The following SYNGR4 variants were observed in gnomAD, a reference collection of about 807,000 sequenced individuals.
SYNGR4 encodes synaptogyrin-4.
A neutral mutation model predicts 15.5 loss-of-function variants in SYNGR4; 15 were observed. The ratio of observed to expected loss-of-function variants is 0.97; its 90% confidence interval spans 0.65 to 1.49. The LOEUF (loss-of-function observed/expected upper bound fraction) is 1.49. SYNGR4 is among the 40% of genes most tolerant of loss of function. SYNGR4 has a pLI of 0.00. For synonymous variants in SYNGR4, 121 were observed against 127.4 expected (o/e 0.95, Z 0.34); for missense variants, 292 against 299.3 (o/e 0.98, Z 0.18).
chr19:48,373,698 G>T lies in SYNGR4; in HGVS notation c.275G>T (p.Arg92Leu). 6.2e-7 allele frequency: 1 copy of T among 1,613,920 alleles called. No homozygotes were observed. Among genetic ancestry groups the T allele is most frequent in the Non-Finnish European group, 8.5e-7 (1 of 1,180,020 alleles). ...AFLVLDTQETRIAGTRFKTAF... is the reference protein window; with the variant it reads ...AFLVLDTQETLIAGTRFKTAF... Reference sequence around the variant, plus strand: ...CTCGTCCTGGACACACAGGAGACCCGCATTGCCGGCACCCGCTTCAAGACA... The same window carrying T: ...CTCGTCCTGGACACACAGGAGACCCTCATTGCCGGCACCCGCTTCAAGACA... Residue 92 changes from arginine to leucine, a missense_variant, in exon 3 of 5, where the codon CGC (arginine) becomes CTC (leucine). Physicochemically the swap from Arg to Leu is moderately radical, Grantham distance 102. Coordinates refer to ENST00000344846, the MANE Select transcript of SYNGR4 (RefSeq NM_012451.4).
intron 1 of SYNGR4, among the ~76,000 whole-genome samples, chr19:48,365,353 G>A (rs1970186271): frequency 9.5e-6 from 1 of 105,402 alleles, no homozygotes; most frequent in African/African-American, 4.2e-5. Context: ...CCTTTCCTGG[G>A]ACCCCCCAGA....
rs1185180554 is a variant in SYNGR4 at position 48,375,691 on chromosome 19, T to C, written c.410T>C (p.Leu137Pro). The change falls in exon 4 of 5, where the codon CTC (leucine) becomes CCC (proline). Residue 137 changes from leucine to proline, a missense_variant. Physicochemically the swap from Leu to Pro is moderately conservative, Grantham distance 98. Transcript: ENST00000344846. ...QWQHSPPKEF[L>P]LGSSSAQAAI... ...CAGCATTCGCCGCCCAAAGAGTTCC[T>C]CCTGGGGAGCAGCAGTGCCCAGGCA... 6.2e-7 allele frequency: 1 copy of C among 1,614,100 alleles called. No individual in the cohort carries two copies. The highest frequency in any genetic ancestry group is 2.2e-5 in the East Asian group (1 of 44,872).
chr19:48,365,977 G>A (rs779246353), intron 2 of SYNGR4, 42 bp downstream of exon 2: 1 of 1,597,592 alleles, frequency 6.3e-7, no homozygotes, highest in South Asian at 1.1e-5. Flanking sequence ...TGGGTGACAG[G>A]AGCCAGGAGC....
Position 48,375,746 on chromosome 19 carries a change from T to C in SYNGR4, c.465T>C (p.Leu155=). 1.9e-6 allele frequency: 3 copies of C among 1,612,904 alleles called. No individual in the cohort carries two copies. Among genetic ancestry groups the C allele is most frequent in the African/African-American group, 2.7e-5 (2 of 75,016 alleles). The change falls in exon 4 of 5, where the codon CTT becomes CTC. Residue 155 remains leucine (L), a synonymous_variant. Coordinates refer to ENST00000344846, the MANE Select transcript of SYNGR4 (RefSeq NM_012451.4). ...AAIAFTFFSI[L]VWIFQAYLAF... is the part of the protein sequence containing the mutation. ...TCGCCTTCACCTTCTTCTCCATCCT[T>C]GTCTGGGTGAGGACAAGCCCCTCCA...
At chr19:48,374,010 T>C (rs1970358082) in intron 3 of SYNGR4, among the ~76,000 whole-genome samples, 2 of 152,002 alleles carry the variant, frequency 1.3e-5, no homozygotes, top group Admixed American at 1.3e-4. Context: ...CCAGACAAAT[T>C]ATAGCAGCCT....
chr19:48,369,285 T>C (rs1406049372), intron 2 of SYNGR4, among the ~76,000 whole-genome samples: 2 of 130,626 alleles, frequency 1.5e-5, no homozygotes, highest in Non-Finnish European at 3.3e-5. Flanking sequence ...GGAAGGAGTT[T>C]GGACTGAAGC....
chr19:48,373,773 C>G lies in SYNGR4; in HGVS notation c.331+19C>G, dbSNP rs1287966947. ...CTGGCTGGTGAGCCCCCAGGACCCC[C>G]AACCCAGAGCTGCCCCTCCTCCCGC... On this transcript the variant is annotated intron_variant, in intron 3 of 4. Coordinates refer to ENST00000344846, the MANE Select transcript of SYNGR4 (RefSeq NM_012451.4). 2 of 1,609,940 alleles carry G rather than the reference C, an allele frequency of 1.2e-6. No homozygotes were observed. The highest frequency in any genetic ancestry group is 1.7e-6 in the Non-Finnish European group (2 of 1,177,130).
intron 4 of SYNGR4, 63 bp from the exon 5 acceptor site, chr19:48,376,022 C>T: frequency 6.2e-7 from 1 of 1,612,132 alleles, no homozygotes; most frequent in Non-Finnish European, 8.5e-7. Flanking sequence ...AGTCCCCAGC[C>T]CAGTCCCTCT....
intron 2 of SYNGR4, among the ~76,000 whole-genome samples, chr19:48,368,202 T>C (rs955121255): frequency 6.6e-6 from 1 of 152,218 alleles, no homozygotes; most frequent in Non-Finnish European, 1.5e-5. Flanking sequence ...TCACCCTGTG[T>C]CCGTGTGACC....
At chr19:48,365,176 C>T (rs1006088539) in intron 1 of SYNGR4, among the ~76,000 whole-genome samples, 1 of 151,416 alleles carries the variant, frequency 6.6e-6, no homozygotes, top group Non-Finnish European at 1.5e-5. Context: ...CAGCCCTCCC[C>T]ACACGACACC....
chr19:48,365,207 C>T (rs1970177672), intron 1 of SYNGR4, among the ~76,000 whole-genome samples: 1 of 148,328 alleles, frequency 6.7e-6, no homozygotes, highest in Non-Finnish European at 1.5e-5. Flanking sequence ...CCCCTAGTAT[C>T]CCCATCCTAT....
chr19:48,365,616 A>T (rs1970198763), intron 1 of SYNGR4, 120 bp from the exon 2 acceptor site: 1 of 521,596 alleles, frequency 1.9e-6, no homozygotes, highest in African/African-American at 2.1e-5. Context: ...CCCTCACCCC[A>T]CACAACTCCA....
At position 48,371,773 on chromosome 19, in the gene SYNGR4, TACTAGGTATC is replaced by T. The variant is rs956109750; in HGVS notation, c.94-1740_94-1731del. On this transcript the variant is annotated intron_variant, in intron 2 of 4. Coordinates refer to ENST00000344846, the MANE Select transcript of SYNGR4 (RefSeq NM_012451.4). ...TTTTTTTTTAAGAAGTTTTGGTAGA[TACTAGGTATC>T]ACTCTGTTGCCCAGGCTGGTCTCCT... is the stretch of plus-strand genomic sequence containing the variant. 4.6e-5 allele frequency among the ~76,000 whole-genome samples: 7 copies of T among 151,658 alleles called. No homozygotes were observed. The East Asian group carries it at 1.4e-3, about 29-fold the overall frequency.
rs1251661369 is a variant in SYNGR4 at position 48,365,649 on chromosome 19, C to A, written c.-107-87C>A. On this transcript the variant is annotated intron_variant, in intron 1 of 4. Coordinates refer to ENST00000344846, the MANE Select transcript of SYNGR4 (RefSeq NM_012451.4). ...CCATTCCGGGGACCCCCCCCATCCC[C>A]ACCCCATGTCCCCCAATCCTGGGGC... The A allele has an allele frequency of 4.7e-5, 13 of 275,374 alleles. 1 individual carries two copies. Among genetic ancestry groups the A allele is most frequent in the Non-Finnish European group, 7.9e-5 (11 of 138,898 alleles). 17.1% of individuals were successfully genotyped at this position (275,374 alleles called of 1,614,324 possible).
chr19:48,374,869 G>A (rs55889204), intron 3 of SYNGR4, among the ~76,000 whole-genome samples: 2 of 151,684 alleles, frequency 1.3e-5, no homozygotes, highest in South Asian at 2.1e-4. Context: ...CCAGCTACTC[G>A]GGAGGCTGAG....
chr19:48,371,058 T>G (rs1040238524), intron 2 of SYNGR4, among the ~76,000 whole-genome samples: 28 of 152,324 alleles, frequency 1.8e-4, no homozygotes, highest in African/African-American at 6.7e-4. Flanking sequence ...GTCCGGCTCC[T>G]GGCCCTGGTG....
rs761182534 is a variant in SYNGR4, at chr19:48,375,680, CAA to C, written c.401_402del (p.Lys134ArgfsTer37). The C allele has an allele frequency of 6.2e-7, 1 of 1,614,114 alleles. No homozygotes were observed. The highest frequency in any genetic ancestry group is 1.1e-5 in the South Asian group (1 of 91,086). ...LANQWQHSPP[K>X]EFLLGSSSAQ... Reference sequence around the variant, plus strand: ...CCAACCAATGGCAGCATTCGCCGCCCAAAGAGTTCCTCCTGGGGAGCAGCAGT... The same window carrying C: ...CCAACCAATGGCAGCATTCGCCGCCCAGAGTTCCTCCTGGGGAGCAGCAGT... On this transcript the variant is annotated frameshift_variant, in exon 4 of 5. Coordinates refer to ENST00000344846, the MANE Select transcript of SYNGR4 (RefSeq NM_012451.4). LOFTEE classifies it high-confidence loss of function.
chr19:48,372,281 G>A (rs1470504094), intron 2 of SYNGR4, among the ~76,000 whole-genome samples: 1 of 152,258 alleles, frequency 6.6e-6, no homozygotes, highest in East Asian at 1.9e-4. Flanking sequence ...CCGTGTCCTA[G>A]GGTGGCTGTA....
intron 3 of SYNGR4, among the ~76,000 whole-genome samples, chr19:48,374,529 T>C (rs1159888291): frequency 6.6e-6 from 1 of 152,212 alleles, no homozygotes; most frequent in Non-Finnish European, 1.5e-5. Flanking sequence ...TCCTCCCTAC[T>C]GGGCCAGTCC....
Sources: gnomAD v4.1 joint callset for allele counts (sites outside exome capture counted in the v4.1 genomes callset) on GRCh38, gnomAD v4.1.1 for gene constraint, MANE v1.5 for transcripts, NCBI Gene and HGNC (gene_info 2026-07-23, HGNC 2026-07-21) for gene names.